The following NME7 variants were observed in gnomAD, a reference collection of about 807,000 sequenced individuals.
NME7 encodes NME/NM23 family member 7, also known as nucleoside diphosphate kinase 7.
NME7 carries 41 observed loss-of-function variants against 49.1 expected under a neutral mutation model. The observed-to-expected ratio is 0.83, with a 90% CI of 0.65 to 1.08. The LOEUF (loss-of-function observed/expected upper bound fraction) is 1.08. NME7 is among the 50% of genes least tolerant of loss of function. The probability of loss-of-function intolerance (pLI) is 0.00; values close to 1 mark genes in which losing one functional copy is unlikely to be tolerated. For missense variants in NME7, 423 were observed against 463.4 expected (o/e 0.91, Z 0.80); for synonymous variants, 139 against 150.6 (o/e 0.92, Z 0.56).
Position 169,261,887 on chromosome 1 carries a change from G to A in NME7, c.755-24200C>T, listed in dbSNP as rs762613408. On this transcript the variant is annotated intron_variant, in intron 7 of 11. Transcript: ENST00000367811. ...GGTTCTGTTGCACACTAAAGTTTGA[G>A]AAGCACTATCTAGCATCTTAGTGTC... Among the ~76,000 whole-genome samples, 3 of 134,322 alleles carry A rather than the reference G, an allele frequency of 2.2e-5. 1 individual carries two copies. Among genetic ancestry groups the A allele is most frequent in the Non-Finnish European group, 5.3e-5 (3 of 57,116 alleles). The allele number at this position is 134,322 out of a possible 152,430, so 88.1% of individuals were successfully genotyped here.
At chr1:169,276,650 G>A (rs377019083) in intron 7 of NME7, among the ~76,000 whole-genome samples, 2 of 132,434 alleles carry the variant, frequency 1.5e-5, no homozygotes, top group African/African-American at 2.5e-5. Context: ...TCCTGGATTC[G>A]TTGATTTTTT....
At chr1:169,142,445 A>G (rs1658622879) in intron 11 of NME7, among the ~76,000 whole-genome samples, 1 of 152,228 alleles carries the variant, frequency 6.6e-6, no homozygotes, top group Non-Finnish European at 1.5e-5. Context: ...ACTTACAGCA[A>G]TAAATTCTTA....
intron 1 of NME7, among the ~76,000 whole-genome samples, chr1:169,360,963 C>G (rs187557396): frequency 3.0e-4 from 46 of 152,334 alleles, no homozygotes; most frequent in South Asian, 1.7e-3. Context: ...TTATTACTAA[C>G]TTCCACCTCA....
At chr1:169,140,380 C>T (rs976383965) in intron 11 of NME7, among the ~76,000 whole-genome samples, 1 of 152,180 alleles carries the variant, frequency 6.6e-6, no homozygotes. Flanking sequence ...ATCATTTAGA[C>T]TCTCTGAGCC....
intron 10 of NME7, among the ~76,000 whole-genome samples, chr1:169,170,293 C>T (rs1281533393): frequency 6.6e-6 from 1 of 152,074 alleles, no homozygotes; most frequent in Non-Finnish European, 1.5e-5. Context: ...AGAAGAACAA[C>T]AGATTGAGAG....
At chr1:169,321,450 C>T (rs149013465) in intron 3 of NME7, among the ~76,000 whole-genome samples, 339 of 152,144 alleles carry the variant, frequency 2.2e-3, no homozygotes, top group Middle Eastern at 0.01. Flanking sequence ...AGTATGTGCT[C>T]CATAAATGAA....
intron 11 of NME7, among the ~76,000 whole-genome samples, chr1:169,159,058 C>T (rs1279192005): frequency 6.6e-6 from 1 of 152,102 alleles, no homozygotes; most frequent in Non-Finnish European, 1.5e-5. Flanking sequence ...TAAAAAGGGG[C>T]GGCCACAGTA....
intron 1 of NME7, among the ~76,000 whole-genome samples, chr1:169,337,587 G>C (rs910997321): frequency 6.6e-6 from 1 of 152,222 alleles, no homozygotes; most frequent in African/African-American, 2.4e-5. Context: ...CCATGCAGAG[G>C]AGGTGCCAAG....
At chr1:169,154,796 TAA>T (rs762299673) in intron 11 of NME7, among the ~76,000 whole-genome samples, 6 of 134,570 alleles carry the variant, frequency 4.5e-5, no homozygotes, top group African/African-American at 5.4e-5. Context: ...AGACTCTGTC[TAA>T]AAAAAAAAAA....
At chr1:169,177,872 T>C (rs1373097716) in intron 10 of NME7, among the ~76,000 whole-genome samples, 2 of 152,132 alleles carry the variant, frequency 1.3e-5, no homozygotes, top group Non-Finnish European at 2.9e-5. Context: ...AGTCTAGCTC[T>C]GTCGCCCAGG....
intron 10 of NME7, among the ~76,000 whole-genome samples, chr1:169,200,753 A>G (rs532661679): frequency 1.3e-5 from 2 of 152,222 alleles, no homozygotes; most frequent in Admixed American, 1.3e-4. Flanking sequence ...GGAAATCACA[A>G]TAGAAGCTCT....
At chr1:169,248,344 T>C (rs1170205994) in intron 7 of NME7, among the ~76,000 whole-genome samples, 2 of 152,074 alleles carry the variant, frequency 1.3e-5, no homozygotes, top group African/African-American at 2.4e-5. Context: ...TTCTTGTTGA[T>C]GTACTTGAGT....
intron 10 of NME7, among the ~76,000 whole-genome samples, chr1:169,179,254 T>C (rs1311722555): frequency 2.0e-5 from 3 of 152,160 alleles, no homozygotes; most frequent in Admixed American, 6.5e-5. Flanking sequence ...AAAACCACAA[T>C]GTGATACCAT....
chr1:169,221,106 A>G (rs934702547), intron 10 of NME7, among the ~76,000 whole-genome samples: 8 of 152,134 alleles, frequency 5.3e-5, no homozygotes, highest in African/African-American at 7.2e-5. Flanking sequence ...TTTAACCTTC[A>G]TCTACTCATC....
intron 1 of NME7, 104 bp downstream of exon 1, chr1:169,367,604 G>A: frequency 7.8e-7 from 1 of 1,282,380 alleles, no homozygotes; most frequent in South Asian, 1.2e-5. Context: ...ACGGGGAGAA[G>A]GTCGGGAGGA....
At chr1:169,179,934 A>G (rs1659875944) in intron 10 of NME7, among the ~76,000 whole-genome samples, 1 of 150,872 alleles carries the variant, frequency 6.6e-6, no homozygotes, top group African/African-American at 2.4e-5. Flanking sequence ...TTACCCATGT[A>G]ACATGAACAT....
At chr1:169,184,033 T>C (rs1405057479) in intron 10 of NME7, among the ~76,000 whole-genome samples, 2 of 152,012 alleles carry the variant, frequency 1.3e-5, no homozygotes, top group Non-Finnish European at 2.9e-5. Context: ...TTATTAGGAG[T>C]TATATTCTAA....
intron 10 of NME7, among the ~76,000 whole-genome samples, chr1:169,194,525 T>C (rs1016423206): frequency 6.6e-6 from 1 of 152,168 alleles, no homozygotes; most frequent in African/African-American, 2.4e-5. Context: ...ACAAGGAAAT[T>C]AATTTTGAAA....
At chr1:169,214,746 G>C (rs974034747) in intron 10 of NME7, among the ~76,000 whole-genome samples, 6 of 152,334 alleles carry the variant, frequency 3.9e-5, no homozygotes, top group African/African-American at 1.4e-4. Flanking sequence ...GCATGCGTAG[G>C]TGAGCAAATG....
Sources: allele counts gnomAD v4.1 joint callset (sites outside exome capture counted in the v4.1 genomes callset), GRCh38; gene constraint gnomAD v4.1.1; transcripts MANE v1.5; gene names NCBI Gene and HGNC (gene_info 2026-07-23, HGNC 2026-07-21).